Variants in DCLK1 observed in about 807,000 individuals in gnomAD.
The protein encoded by DCLK1 is serine/threonine-protein kinase DCLK1.
In DCLK1, 16 loss-of-function variants were observed where a neutral mutation model predicts 86.2. That is an observed-to-expected ratio of 0.19 (90% CI 0.13 to 0.28). The LOEUF is 0.28. DCLK1 is among the 10% of genes least tolerant of loss of function. The pLI is 1.00. For missense variants in DCLK1, 590 were observed against 940.2 expected, an observed-to-expected ratio of 0.63 and a Z score of 4.87; for synonymous variants, 369 against 370.5, an observed-to-expected ratio of 1.00 and a Z score of 0.05.
rs201569819 is a variant in DCLK1, at chr13:35,864,648, TTCTC to T, written c.940+6572_940+6575del. ...AACAAACAAAAAAACTCCATTTTTC[TTCTC>T]TCTTTTTTTTTTTTTTTTGGAATGG... On this transcript the variant is annotated intron_variant, in intron 5 of 16. Coordinates refer to ENST00000360631, the MANE Select transcript of DCLK1 (RefSeq NM_001330071.2). Among the ~76,000 whole-genome samples, 85 of 144,860 alleles carry T rather than the reference TTCTC, an allele frequency of 5.9e-4. 2 individuals carry two copies. Among genetic ancestry groups the T allele is most frequent in the African/African-American group, 1.9e-3 (71 of 36,620 alleles).
chr13:35,906,274 T>C (rs1274996899), intron 4 of DCLK1, among the ~76,000 whole-genome samples: 1 of 151,908 alleles, frequency 6.6e-6, no homozygotes, highest in Non-Finnish European at 1.5e-5. Flanking sequence ...AGGAAGTAGA[T>C]GCTTTCTAAT....
chr13:35,868,693 T>C (rs1435479405), intron 5 of DCLK1, among the ~76,000 whole-genome samples: 1 of 152,222 alleles, frequency 6.6e-6, no homozygotes, highest in East Asian at 1.9e-4. Context: ...TTGCATTAAG[T>C]AGCCAAAATT....
In DCLK1 at chr13:35,827,622, C is replaced by A. The variant is rs772398076; in HGVS notation, c.1407+13G>T. 1.9e-6 allele frequency: 3 copies of A among 1,613,504 alleles called. No homozygotes were observed. The African/African-American group carries it at 4.0e-5, about 22-fold the overall frequency. On this transcript the variant is annotated intron_variant, in intron 10 of 16. Coordinates refer to ENST00000360631, the MANE Select transcript of DCLK1 (RefSeq NM_001330071.2). ...CCATCAATAAAGACTTACTTTCTTT[C>A]CAAAATACACACCTTTACTAATTCC...
At chr13:36,039,524 G>A (rs1475358898) in intron 3 of DCLK1, among the ~76,000 whole-genome samples, 1 of 152,068 alleles carries the variant, frequency 6.6e-6, no homozygotes, top group African/African-American at 2.4e-5. Context: ...CTAAACCAGA[G>A]AGGCAAACAC....
chr13:36,014,691 G>A (rs1455155952), intron 3 of DCLK1, among the ~76,000 whole-genome samples: 1 of 152,046 alleles, frequency 6.6e-6, no homozygotes, highest in Non-Finnish European at 1.5e-5. Flanking sequence ...TTTCTAGTCT[G>A]TAAAAAAATT....
At chr13:35,924,532 G>A (rs1265723856) in intron 4 of DCLK1, among the ~76,000 whole-genome samples, 1 of 152,120 alleles carries the variant, frequency 6.6e-6, no homozygotes, top group Non-Finnish European at 1.5e-5. Flanking sequence ...CACACCTGTA[G>A]TCCCAGCTAC....
At chr13:35,912,837 C>A (rs78529536) in intron 4 of DCLK1, among the ~76,000 whole-genome samples, 1 of 152,036 alleles carries the variant, frequency 6.6e-6, no homozygotes, top group South Asian at 2.1e-4. Flanking sequence ...CCACTGTCCA[C>A]GGACAGCAGA....
At chr13:36,015,572 A>G (rs1036662510) in intron 3 of DCLK1, among the ~76,000 whole-genome samples, 6 of 152,176 alleles carry the variant, frequency 3.9e-5, no homozygotes, top group Non-Finnish European at 7.3e-5. Context: ...TGATGCTGTG[A>G]TGTCAACATG....
intron 6 of DCLK1, among the ~76,000 whole-genome samples, chr13:35,843,843 G>T (rs1238235460): frequency 6.6e-6 from 1 of 152,048 alleles, no homozygotes; most frequent in Admixed American, 6.6e-5. Flanking sequence ...TCTTATAAAG[G>T]AAACACAAGC....
chr13:35,861,249 T>G (rs1167293351), intron 5 of DCLK1, among the ~76,000 whole-genome samples: 5 of 152,034 alleles, frequency 3.3e-5, no homozygotes, highest in Admixed American at 6.5e-5. Context: ...GAAAAAAAAT[T>G]TAATTAAACA....
chr13:36,108,662 T>G (rs1566015496), intron 3 of DCLK1, among the ~76,000 whole-genome samples: 2 of 152,248 alleles, frequency 1.3e-5, no homozygotes. Context: ...CATCTTCCTC[T>G]CTACGCATTT....
chr13:35,798,441 G>C (rs1407131946), intron 15 of DCLK1, among the ~76,000 whole-genome samples: 1 of 152,164 alleles, frequency 6.6e-6, no homozygotes, highest in African/African-American at 2.4e-5. Context: ...GCAGTTTACT[G>C]CTAAAATATT....
chr13:36,099,600 C>A (rs1217714917), intron 3 of DCLK1, among the ~76,000 whole-genome samples: 1 of 152,190 alleles, frequency 6.6e-6, no homozygotes, highest in Non-Finnish European at 1.5e-5. Flanking sequence ...GGCACAGAAT[C>A]CATGCTGAAT....
intron 4 of DCLK1, among the ~76,000 whole-genome samples, chr13:35,919,226 A>C (rs1875632915): frequency 6.6e-6 from 1 of 152,050 alleles, no homozygotes; most frequent in Non-Finnish European, 1.5e-5. Flanking sequence ...GGTACTAATT[A>C]AGTTTTTTAA....
chr13:36,095,187 T>TTTTTTTTTTTTTTTTTTTG (rs1884966729), intron 3 of DCLK1, among the ~76,000 whole-genome samples: 1 of 115,850 alleles, frequency 8.6e-6, no homozygotes, highest in African/African-American at 4.1e-5. Context: ...TTTTTTTTTG[T>TTTTTTTTTTTTTTTTTTTG]TTTTTTTGTT....
intron 3 of DCLK1, among the ~76,000 whole-genome samples, chr13:35,958,316 C>T (rs111205548): frequency 1.5e-3 from 38 of 25,408 alleles, no homozygotes; most frequent in African/African-American, 4.7e-3. Flanking sequence ...ACACCACTAC[C>T]ACCACCACCA....
At chr13:35,917,389 A>G (rs1875481103) in intron 4 of DCLK1, among the ~76,000 whole-genome samples, 2 of 152,188 alleles carry the variant, frequency 1.3e-5, no homozygotes, top group South Asian at 4.2e-4. Context: ...TTTGTTTGCT[A>G]TTGTCGGGCC....
At chr13:36,059,313 C>T (rs1593854244) in intron 3 of DCLK1, among the ~76,000 whole-genome samples, 1 of 152,168 alleles carries the variant, frequency 6.6e-6, no homozygotes, top group East Asian at 1.9e-4. Flanking sequence ...TCATCCATTA[C>T]CTCCTTCACA....
rs1197222526 is a variant in DCLK1 at position 35,774,717 on chromosome 13, T to C, written c.2059-18A>G. 6.2e-7 allele frequency: 1 copy of C among 1,607,752 alleles called. No homozygotes were observed. The highest frequency in any genetic ancestry group is 2.2e-5 in the East Asian group (1 of 44,686). On this transcript the variant is annotated intron_variant, in intron 16 of 16. Transcript: ENST00000360631. ...GCGGTGGTCTAGCAGGGGCATAAAA[T>C]GAGAAAGAGGACAATTAGGGCGAGG...
Sources: allele counts gnomAD v4.1 joint callset (sites outside exome capture counted in the v4.1 genomes callset), GRCh38; gene constraint gnomAD v4.1.1; transcripts MANE v1.5; gene names NCBI Gene and HGNC (gene_info 2026-07-23, HGNC 2026-07-21).